Variants in PRKN observed in about 807,000 individuals in gnomAD.
PRKN encodes parkin RBR E3 ubiquitin protein ligase, also known as E3 ubiquitin-protein ligase parkin.
Under a neutral mutation model 59.5 loss-of-function variants are expected in PRKN, and 56 were observed. That is an observed-to-expected ratio of 0.94 (90% CI 0.76 to 1.18). The LOEUF is 1.18. Ranked by LOEUF, PRKN falls within the 50% of genes most tolerant of loss-of-function variation. PRKN has a pLI of 0.00. For synonymous variants in PRKN, 250 were observed against 222.1 expected, an observed-to-expected ratio of 1.13 and a Z score of -1.12; for missense variants, 657 against 596.4, an observed-to-expected ratio of 1.10 and a Z score of -1.06.
intron 1 of PRKN, among the ~76,000 whole-genome samples, chr6:162,616,532 A>AC (rs561444869): frequency 3.0e-4 from 46 of 152,058 alleles, no homozygotes; most frequent in Middle Eastern, 3.4e-3. Context: ...ATACAATGAT[A>AC]CCCCCCCGTA....
chr6:161,581,593 T>C lies in PRKN; in HGVS notation c.872-12177A>G, dbSNP rs981699929. On this transcript the variant is annotated intron_variant, in intron 7 of 11. Coordinates refer to ENST00000366898, the MANE Select transcript of PRKN (RefSeq NM_004562.3). This position sits in a 1 kb window ranked among gnomAD's most constrained non-coding sequence, Gnocchi z 4.5. Reference sequence around the variant, plus strand: ...ACAATCAGAAGCAAAGACTTACTTATGGACAAGGTGAAGGGCGTTGGGCCT... The same window carrying C: ...ACAATCAGAAGCAAAGACTTACTTACGGACAAGGTGAAGGGCGTTGGGCCT... Among the ~76,000 whole-genome samples, 21 of 152,190 alleles carry C rather than the reference T, an allele frequency of 1.4e-4. No homozygotes were observed. Among genetic ancestry groups the C allele is most frequent in the Non-Finnish European group, 3.1e-4 (21 of 68,042 alleles).
chr6:161,400,464 C>A lies in PRKN; in HGVS notation c.1084-13587G>T, dbSNP rs913220512. On this transcript the variant is annotated intron_variant, in intron 9 of 11. Coordinates refer to ENST00000366898, the MANE Select transcript of PRKN (RefSeq NM_004562.3). This position sits in a 1 kb window ranked among gnomAD's most constrained non-coding sequence, Gnocchi z 4.2. ...CTGGAATTACAGGTGTGTGCCACCA[C>A]GCCCAGCTAATTTTTGTATTTTTAG... 6.6e-6 allele frequency among the ~76,000 whole-genome samples: 1 copy of A among 151,980 alleles called. No individual in the cohort carries two copies. The highest frequency in any genetic ancestry group is 2.1e-4 in the South Asian group (1 of 4,818).
rs148245696 is a variant in PRKN, at chr6:162,425,859, C to T, written c.171+17451G>A. ...GGTGTATATTTTTCTAGAACCGATACGAATGTTCTCATACAGGAATCACAG... is the reference window on the plus strand; with the variant it reads ...GGTGTATATTTTTCTAGAACCGATATGAATGTTCTCATACAGGAATCACAG... On this transcript the variant is annotated intron_variant, in intron 2 of 11. Transcript: ENST00000366898. Among the ~76,000 whole-genome samples the T allele has an allele frequency of 1.7e-4, 26 of 152,260 alleles. No individual in the cohort carries two copies. The East Asian group carries it at 4.2e-3, about 25-fold the overall frequency.
intron 2 of PRKN, among the ~76,000 whole-genome samples, chr6:162,298,109 C>T (rs1781763294): frequency 2.0e-5 from 3 of 152,062 alleles, no homozygotes; most frequent in African/African-American, 7.2e-5. Context: ...CCTTGTCCTG[C>T]AACCTCCAGT....
chr6:162,726,386 C>T (rs1056613333), intron 1 of PRKN, among the ~76,000 whole-genome samples: 2 of 152,140 alleles, frequency 1.3e-5, no homozygotes, highest in South Asian at 2.1e-4. Context: ...GCAAGTGAAT[C>T]TTACGTAAAT....
At chr6:162,577,986 A>G (rs1300021066) in intron 1 of PRKN, among the ~76,000 whole-genome samples, 1 of 152,208 alleles carries the variant, frequency 6.6e-6, no homozygotes, top group Non-Finnish European at 1.5e-5. Flanking sequence ...ATTGGCAAAA[A>G]TGATTGAAAG....
chr6:162,100,012 G>A (rs1459788721), intron 4 of PRKN, among the ~76,000 whole-genome samples: 1 of 152,172 alleles, frequency 6.6e-6, no homozygotes, highest in Non-Finnish European at 1.5e-5. Context: ...ACGTATACGT[G>A]AAACCGTGCA....
At chr6:162,591,683 T>C (rs140361436) in intron 1 of PRKN, among the ~76,000 whole-genome samples, 2 of 152,216 alleles carry the variant, frequency 1.3e-5, no homozygotes, top group South Asian at 2.1e-4. Flanking sequence ...ATTGAATACA[T>C]TAAGAATTTA....
intron 9 of PRKN, among the ~76,000 whole-genome samples, chr6:161,465,239 G>T (rs954650656): frequency 2.0e-5 from 3 of 152,154 alleles, no homozygotes; most frequent in African/African-American, 7.2e-5. Context: ...ATGCTTTCTG[G>T]CTTGCTTCTT....
intron 6 of PRKN, among the ~76,000 whole-genome samples, chr6:161,924,041 G>GT (rs1328191662): frequency 1.3e-5 from 2 of 152,184 alleles, no homozygotes; most frequent in African/African-American, 4.8e-5. Flanking sequence ...GCGCTTCGTA[G>GT]TTATGGGACA....
chr6:161,594,692 T>C (rs1282113761), intron 7 of PRKN, among the ~76,000 whole-genome samples: 1 of 151,330 alleles, frequency 6.6e-6, no homozygotes, highest in African/African-American at 2.4e-5. Flanking sequence ...TATATAAATA[T>C]TTTTACATAG....
At chr6:161,820,983 TG>T (rs1357064044) in intron 6 of PRKN, among the ~76,000 whole-genome samples, 1 of 151,972 alleles carries the variant, frequency 6.6e-6, no homozygotes, top group Non-Finnish European at 1.5e-5. Context: ...TACTATCTTA[TG>T]AATATAATAA....
intron 2 of PRKN, among the ~76,000 whole-genome samples, chr6:162,280,207 C>T (rs570497032): frequency 1.3e-5 from 2 of 152,206 alleles, no homozygotes; most frequent in South Asian, 4.1e-4. Flanking sequence ...TTTGTTCCTG[C>T]ATTCATGATC....
At chr6:162,012,748 C>G (rs1476369409) in intron 5 of PRKN, among the ~76,000 whole-genome samples, 2 of 152,120 alleles carry the variant, frequency 1.3e-5, no homozygotes, top group East Asian at 1.9e-4. Context: ...CCCCTCTGAT[C>G]TGGAACAGTC....
At chr6:162,718,988 T>C (rs1311177957) in intron 1 of PRKN, among the ~76,000 whole-genome samples, 1 of 152,010 alleles carries the variant, frequency 6.6e-6, no homozygotes, top group Non-Finnish European at 1.5e-5. Context: ...CAATGAATAA[T>C]GGAGAAAACT....
At chr6:161,942,542 TAAATA>T (rs1440260592) in intron 6 of PRKN, among the ~76,000 whole-genome samples, 6 of 151,944 alleles carry the variant, frequency 3.9e-5, no homozygotes, top group African/African-American at 1.4e-4. Context: ...AAAAAATAAA[TAAATA>T]AAATAAAATA....
chr6:162,100,313 T>C (rs1779914164), intron 4 of PRKN, among the ~76,000 whole-genome samples: 1 of 152,182 alleles, frequency 6.6e-6, no homozygotes, highest in South Asian at 2.1e-4. Flanking sequence ...CACTGGGTCA[T>C]ATGACAGTTC....
At chr6:161,772,217 G>T (rs1472203078) in intron 7 of PRKN, among the ~76,000 whole-genome samples, 1 of 152,050 alleles carries the variant, frequency 6.6e-6, no homozygotes, top group East Asian at 1.9e-4. Context: ...AAATCCAAAG[G>T]GATTCCAGCC....
chr6:161,987,679 A>G (rs1781485601), intron 5 of PRKN, among the ~76,000 whole-genome samples: 1 of 152,160 alleles, frequency 6.6e-6, no homozygotes, highest in Non-Finnish European at 1.5e-5. Flanking sequence ...CCGATGATTG[A>G]ACCCAAAAAT....
Sources: allele counts gnomAD v4.1 joint callset (sites outside exome capture counted in the v4.1 genomes callset), GRCh38; gene constraint gnomAD v4.1.1; non-coding constraint Gnocchi (gnomAD v3.1); transcripts MANE v1.5; gene names NCBI Gene and HGNC (gene_info 2026-07-23, HGNC 2026-07-21).